The following AGBL4 variants were observed in gnomAD, a reference collection of about 807,000 sequenced individuals.
AGBL4 encodes the protein AGBL carboxypeptidase 4.
AGBL4 carries 58 observed loss-of-function variants against 66.4 expected under a neutral mutation model. The observed-to-expected ratio is 0.87, with a 90% CI of 0.71 to 1.09. The LOEUF is 1.09. Ranked by LOEUF, AGBL4 falls within the 50% of genes least tolerant of loss-of-function variation. AGBL4 has a pLI of 0.00. For synonymous variants in AGBL4, 234 were observed against 222.9 expected, an observed-to-expected ratio of 1.05 and a Z score of -0.44; for missense variants, 579 against 631.0, an observed-to-expected ratio of 0.92 and a Z score of 0.88.
intron 3 of AGBL4, among the ~76,000 whole-genome samples, chr1:49,460,980 A>G (rs999882459): frequency 1.3e-5 from 2 of 151,704 alleles, no homozygotes; most frequent in Non-Finnish European, 2.9e-5. Flanking sequence ...TTAATCTGAC[A>G]GGTTTTCCTT....
chr1:49,467,949 C>T (rs1646663873), intron 3 of AGBL4, among the ~76,000 whole-genome samples: 1 of 151,672 alleles, frequency 6.6e-6, no homozygotes, highest in Non-Finnish European at 1.5e-5. Context: ...TTCTTAGGCC[C>T]TGATATGCAA....
chr1:49,864,098 C>T (rs965728515), intron 1 of AGBL4, among the ~76,000 whole-genome samples: 1 of 152,068 alleles, frequency 6.6e-6, no homozygotes, highest in Non-Finnish European at 1.5e-5. Context: ...AAATGAGATC[C>T]TGTCATTTCC....
Position 49,285,861 on chromosome 1 carries a change from A to C in AGBL4, c.283-39997T>G, listed in dbSNP as rs372089344. 3.4e-4 allele frequency among the ~76,000 whole-genome samples: 52 copies of C among 152,322 alleles called. 1 individual carries two copies. The South Asian group carries it at 9.5e-3, about 28-fold the overall frequency. ...GAGGGAATCCTCCCTAACTCATTTG[A>C]TGAGGCCAGCATCATTCTGATACCA... On this transcript the variant is annotated intron_variant, in intron 3 of 13. Transcript: ENST00000371839.
At chr1:48,878,367 T>G (rs1649423917) in intron 5 of AGBL4, among the ~76,000 whole-genome samples, 1 of 152,164 alleles carries the variant, frequency 6.6e-6, no homozygotes, top group African/African-American at 2.4e-5. Flanking sequence ...ACTAACTTGG[T>G]GTAGGAATCA....
chr1:49,248,565 GC>G (rs1344450963), intron 3 of AGBL4, among the ~76,000 whole-genome samples: 1 of 151,760 alleles, frequency 6.6e-6, no homozygotes, highest in East Asian at 1.9e-4. Flanking sequence ...AGACTTTTTA[GC>G]CAGTTACCCT....
chr1:49,784,854 A>G (rs1435638327), intron 2 of AGBL4, among the ~76,000 whole-genome samples: 1 of 152,080 alleles, frequency 6.6e-6, no homozygotes, highest in Non-Finnish European at 1.5e-5. Context: ...ATTCAACACA[A>G]TTAGTGATTA....
chr1:49,487,459 C>T (rs546510972), intron 3 of AGBL4, among the ~76,000 whole-genome samples: 1 of 151,958 alleles, frequency 6.6e-6, no homozygotes, highest in East Asian at 1.9e-4. Flanking sequence ...GGCAGTTTCC[C>T]CCATGCTGTT....
At chr1:49,176,612 A>G (rs1216271194) in intron 4 of AGBL4, among the ~76,000 whole-genome samples, 6 of 152,200 alleles carry the variant, frequency 3.9e-5, no homozygotes, top group Non-Finnish European at 8.8e-5. Flanking sequence ...ATAGAGGCTA[A>G]TGCACAGATG....
At chr1:49,721,005 A>G (rs1335026295) in intron 2 of AGBL4, among the ~76,000 whole-genome samples, 1 of 152,086 alleles carries the variant, frequency 6.6e-6, no homozygotes, top group Non-Finnish European at 1.5e-5. Flanking sequence ...GGGGACTTGG[A>G]GAACTTTTGT....
intron 4 of AGBL4, among the ~76,000 whole-genome samples, chr1:49,207,518 T>TC (rs1648274259): frequency 2.0e-5 from 3 of 146,710 alleles, no homozygotes; most frequent in Admixed American, 6.8e-5. Context: ...TTTCTTTCTT[T>TC]CTTTCTCTCT....
chr1:48,758,732 A>C (rs1644082881), intron 6 of AGBL4, among the ~76,000 whole-genome samples: 1 of 152,198 alleles, frequency 6.6e-6, no homozygotes, highest in Admixed American at 6.5e-5. Flanking sequence ...TACCAGATTC[A>C]CTATGAGTGG....
At chr1:48,748,516 T>C (rs1346360761) in intron 6 of AGBL4, among the ~76,000 whole-genome samples, 1 of 151,792 alleles carries the variant, frequency 6.6e-6, no homozygotes, top group Non-Finnish European at 1.5e-5. Flanking sequence ...AAGGAGGGGG[T>C]GCTGCCTCTG....
At chr1:49,600,906 T>C (rs1235352615) in intron 3 of AGBL4, among the ~76,000 whole-genome samples, 1 of 152,180 alleles carries the variant, frequency 6.6e-6, no homozygotes, top group Non-Finnish European at 1.5e-5. Flanking sequence ...GTTTGGCTGG[T>C]TATGAAATTC....
intron 2 of AGBL4, among the ~76,000 whole-genome samples, chr1:49,752,982 T>G (rs1249838750): frequency 6.6e-6 from 1 of 152,226 alleles, no homozygotes; most frequent in Non-Finnish European, 1.5e-5. Flanking sequence ...GAGATGGGTC[T>G]CCTCAATACA....
At chr1:49,338,502 T>C (rs976930856) in intron 3 of AGBL4, among the ~76,000 whole-genome samples, 3 of 152,168 alleles carry the variant, frequency 2.0e-5, no homozygotes, top group African/African-American at 7.2e-5. Flanking sequence ...AGAGATGGGT[T>C]TTATTCATCT....
At chr1:49,779,393 A>AAGGTAG (rs1571548772) in intron 2 of AGBL4, among the ~76,000 whole-genome samples, 1 of 152,168 alleles carries the variant, frequency 6.6e-6, no homozygotes, top group Non-Finnish European at 1.5e-5. Context: ...TTCCTACTGG[A>AAGGTAG]GAACACCAAC....
intron 5 of AGBL4, among the ~76,000 whole-genome samples, chr1:48,978,123 A>G (rs1659485257): frequency 6.6e-6 from 1 of 152,032 alleles, no homozygotes; most frequent in Non-Finnish European, 1.5e-5. Context: ...GTTGCATCTT[A>G]TAAGGTGAAA....
intron 9 of AGBL4, among the ~76,000 whole-genome samples, chr1:48,630,696 T>C (rs1480396899): frequency 1.3e-5 from 2 of 152,224 alleles, no homozygotes; most frequent in African/African-American, 4.8e-5. Context: ...AATGCAAACC[T>C]AATTTGTCAA....
rs1645669744 is a variant in AGBL4 at position 49,122,186 on chromosome 1, C to G, written c.378-76386G>C. Among the ~76,000 whole-genome samples, 6 of 152,200 alleles carry G rather than the reference C, an allele frequency of 3.9e-5. No individual in the cohort carries two copies. The South Asian group carries it at 1.2e-3, about 31-fold the overall frequency. Reference sequence around the variant, plus strand: ...CTTCCCAGGTGAGGCAACGCCCTGCCCTGCTTTGCCTCGCCCTCCATGGGC... The same window carrying G: ...CTTCCCAGGTGAGGCAACGCCCTGCGCTGCTTTGCCTCGCCCTCCATGGGC... On this transcript the variant is annotated intron_variant, in intron 4 of 13. Transcript: ENST00000371839.
Sources: gnomAD v4.1 joint callset for allele counts (sites outside exome capture counted in the v4.1 genomes callset) on GRCh38, gnomAD v4.1.1 for gene constraint, MANE v1.5 for transcripts, NCBI Gene and HGNC (gene_info 2026-07-23, HGNC 2026-07-21) for gene names.